PHACTR1: variants seen among roughly 807,000 people sequenced by gnomAD.
PHACTR1 encodes the protein phosphatase and actin regulator 1.
PHACTR1 carries 16 observed loss-of-function variants against 69.2 expected under a neutral mutation model. The ratio of observed to expected loss-of-function variants is 0.23; its 90% CI spans 0.16 to 0.35. The LOEUF (loss-of-function observed/expected upper bound fraction) is 0.35. Among genes scored for constraint, PHACTR1 ranks in the 10% least tolerant of loss-of-function variants. The pLI, the probability that PHACTR1 is intolerant of heterozygous loss-of-function variation, is 1.00. For missense variants in PHACTR1, 510 were observed against 734.7 expected (o/e 0.69, Z 3.54); for synonymous variants, 312 against 284.5 (o/e 1.10, Z -0.97).
chr6:12,797,712 T>C (rs1241953683), intron 4 of PHACTR1, among the ~76,000 whole-genome samples: 1 of 152,114 alleles, frequency 6.6e-6, no homozygotes, highest in African/African-American at 2.4e-5. Context: ...TCCTCACTCA[T>C]CACACTCCAG....
chr6:12,788,772 T>C (rs1771861919), intron 4 of PHACTR1, among the ~76,000 whole-genome samples: 1 of 152,168 alleles, frequency 6.6e-6, no homozygotes, highest in Non-Finnish European at 1.5e-5. Flanking sequence ...TAGGAGCTAA[T>C]AATTCTGGAG....
At chr6:12,784,287 T>C (rs199923386) in intron 4 of PHACTR1, among the ~76,000 whole-genome samples, 1 of 151,696 alleles carries the variant, frequency 6.6e-6, no homozygotes, top group South Asian at 2.1e-4. Flanking sequence ...ACTATATACA[T>C]GCACACACAG....
chr6:13,238,546 G>A lies in PHACTR1; in HGVS notation c.1391+8353G>A, dbSNP rs72823049. 3.2e-3 allele frequency among the ~76,000 whole-genome samples: 484 copies of A among 152,318 alleles called. 2 individuals carry two copies. Among genetic ancestry groups the A allele is most frequent in the Middle Eastern group, 6.8e-3 (2 of 294 alleles). ...TGAAATAATATGTACCAAGGATTAT[G>A]CGCTGCTTTAAATCATGGTACGGTG... On this transcript the variant is annotated intron_variant, in intron 10 of 14. Coordinates refer to ENST00000332995, the MANE Select transcript of PHACTR1 (RefSeq NM_030948.6).
intron 4 of PHACTR1, among the ~76,000 whole-genome samples, chr6:12,828,668 C>T (rs899773273): frequency 1.3e-5 from 2 of 151,860 alleles, no homozygotes; most frequent in African/African-American, 4.8e-5. Context: ...TCTTTATCTT[C>T]GTTTTCTTTT....
At chr6:12,880,030 G>C (rs1782927497) in intron 4 of PHACTR1, among the ~76,000 whole-genome samples, 1 of 152,156 alleles carries the variant, frequency 6.6e-6, no homozygotes, top group Non-Finnish European at 1.5e-5. Flanking sequence ...TCTATTGAGT[G>C]TTTATTATGC....
At chr6:13,210,948 C>T (rs187456310) in intron 8 of PHACTR1, among the ~76,000 whole-genome samples, 174 of 146,824 alleles carry the variant, frequency 1.2e-3, no homozygotes, top group Non-Finnish European at 2.1e-3. Context: ...TGAGATTTCC[C>T]CTCAACTTTC....
At chr6:12,733,491 T>G (rs1393384852) in intron 3 of PHACTR1, among the ~76,000 whole-genome samples, 4 of 152,164 alleles carry the variant, frequency 2.6e-5, no homozygotes, top group African/African-American at 9.7e-5. Context: ...ACATGAGTCT[T>G]TCTGGCTTCA....
At chr6:12,931,003 C>CAAAAAAAAA (rs34965562) in intron 4 of PHACTR1, among the ~76,000 whole-genome samples, 1 of 86,188 alleles carries the variant, frequency 1.2e-5, no homozygotes. Context: ...AACTCTGTCT[C>CAAAAAAAAA]AAAAAAAAAA....
At chr6:13,236,209 T>C (rs1323884949) in intron 10 of PHACTR1, among the ~76,000 whole-genome samples, 6 of 152,242 alleles carry the variant, frequency 3.9e-5, no homozygotes, top group African/African-American at 1.4e-4. Context: ...GGAAGCCTGG[T>C]CACTTGGTTT....
At chr6:13,111,240 C>T (rs571492296) in intron 5 of PHACTR1, among the ~76,000 whole-genome samples, 2 of 152,160 alleles carry the variant, frequency 1.3e-5, no homozygotes, top group Non-Finnish European at 2.9e-5. Context: ...CACTGTATGA[C>T]AGTGTGCATG....
chr6:12,905,059 C>T (rs1785579350), intron 4 of PHACTR1, among the ~76,000 whole-genome samples: 1 of 152,186 alleles, frequency 6.6e-6, no homozygotes, highest in Admixed American at 6.5e-5. Context: ...TTTCTCAACC[C>T]TGCACTGAAC....
At chr6:13,210,224 A>C (rs1277840113) in intron 8 of PHACTR1, among the ~76,000 whole-genome samples, 1 of 152,066 alleles carries the variant, frequency 6.6e-6, no homozygotes, top group Non-Finnish European at 1.5e-5. Flanking sequence ...CATGTTGCCC[A>C]AACTGGCATC....
chr6:13,191,045 T>G (rs1351648641), intron 7 of PHACTR1, among the ~76,000 whole-genome samples: 1 of 152,146 alleles, frequency 6.6e-6, no homozygotes, highest in African/African-American at 2.4e-5. Context: ...AATTTCATTA[T>G]GTGTCTCTGT....
chr6:13,160,031 A>G (rs957369513), intron 5 of PHACTR1, among the ~76,000 whole-genome samples, 173 bp from the exon 6 acceptor site: 1 of 152,250 alleles, frequency 6.6e-6, no homozygotes, highest in Non-Finnish European at 1.5e-5. Context: ...AAGGTTTATT[A>G]TGATAGTATC....
At chr6:12,949,382 G>C (rs1791039961) in intron 4 of PHACTR1, among the ~76,000 whole-genome samples, 1 of 151,956 alleles carries the variant, frequency 6.6e-6, no homozygotes, top group South Asian at 2.1e-4. Context: ...AAACACCTAG[G>C]AAAGCCCAGT....
Position 12,782,231 on chromosome 6 carries a change from G to A in PHACTR1, c.250+32441G>A, listed in dbSNP as rs145147978. Among the ~76,000 whole-genome samples the A allele has an allele frequency of 3.4e-3, 514 of 152,240 alleles. 1 individual carries two copies. Among genetic ancestry groups the A allele is most frequent in the African/African-American group, 7.2e-3 (299 of 41,530 alleles). On this transcript the variant is annotated intron_variant, in intron 4 of 14. Transcript: ENST00000332995. ...ACCCAAGGGTTGGCAGTCAGGTGCCGCTTCTTGATCAAATTCATTAGATCT... is the reference window on the plus strand; with the variant it reads ...ACCCAAGGGTTGGCAGTCAGGTGCCACTTCTTGATCAAATTCATTAGATCT...
chr6:12,900,844 C>T (rs993046233), intron 4 of PHACTR1, among the ~76,000 whole-genome samples: 1 of 152,134 alleles, frequency 6.6e-6, no homozygotes, highest in Non-Finnish European at 1.5e-5. Context: ...TTTAACTCGA[C>T]GTTTTGCTTG....
chr6:13,154,755 G>C (rs547497396), intron 5 of PHACTR1, among the ~76,000 whole-genome samples: 1 of 150,108 alleles, frequency 6.7e-6, no homozygotes, highest in South Asian at 2.1e-4. Context: ...CGTCGGGCTG[G>C]TACATGACAC....
chr6:12,838,275 C>CA (rs1778356875), intron 4 of PHACTR1, among the ~76,000 whole-genome samples: 1 of 152,182 alleles, frequency 6.6e-6, no homozygotes, highest in Non-Finnish European at 1.5e-5. Flanking sequence ...AGGCAGGGAT[C>CA]ACAGAAGCCA....
Sources: gnomAD v4.1 joint callset for allele counts (sites outside exome capture counted in the v4.1 genomes callset) on GRCh38, gnomAD v4.1.1 for gene constraint, MANE v1.5 for transcripts, NCBI Gene and HGNC (gene_info 2026-07-23, HGNC 2026-07-21) for gene names.